Variants in ANXA8 observed in about 807,000 individuals in gnomAD.
ANXA8 encodes the protein annexin A8.
In ANXA8, 9 loss-of-function variants were observed where a neutral mutation model predicts 26.8. That is an observed-to-expected ratio of 0.34 (90% CI 0.20 to 0.59). ANXA8 has a LOEUF of 0.59. ANXA8 is among the 20% of genes least tolerant of loss of function. ANXA8 has a pLI of 0.84. For missense variants in ANXA8, 83 were observed against 238.5 expected (o/e 0.35, Z 4.29); for synonymous variants, 39 against 94.8 (o/e 0.41, Z 3.42).
intron 11 of ANXA8, among the ~76,000 whole-genome samples, chr10:47,469,315 A>G (rs1839234448): frequency 6.6e-6 from 1 of 151,852 alleles, no homozygotes; most frequent in African/African-American, 2.4e-5. Flanking sequence ...ATCAGCACAC[A>G]CCTGGGGGCA....
the ANXA8 span, among the ~76,000 whole-genome samples, chr10:47,548,877 A>G: frequency 6.6e-6 from 1 of 152,336 alleles, no homozygotes; most frequent in East Asian, 1.9e-4. Context: ...TAAACTATAG[A>G]TAATACCTAC....
the ANXA8 span, among the ~76,000 whole-genome samples, chr10:47,540,903 AG>A: frequency 6.8e-6 from 1 of 147,858 alleles, no homozygotes; most frequent in Non-Finnish European, 1.5e-5. Context: ...GAAGATTATC[AG>A]GGGGCTAAAA....
At chr10:47,666,958 C>T in the ANXA8 span, among the ~76,000 whole-genome samples, 6 of 152,152 alleles carry the variant, frequency 3.9e-5, no homozygotes, top group East Asian at 1.2e-3. Flanking sequence ...GTGACTAACT[C>T]AACCTAAACA....
chr10:47,656,886 A>G, the ANXA8 span, among the ~76,000 whole-genome samples: 2 of 148,242 alleles, frequency 1.3e-5, no homozygotes, highest in African/African-American at 5.1e-5. Flanking sequence ...ATCTTTTAGT[A>G]TTTATAGAGA....
At chr10:47,901,871 T>C in the ANXA8 span, among the ~76,000 whole-genome samples, 2 of 151,234 alleles carry the variant, frequency 1.3e-5, no homozygotes, top group Non-Finnish European at 3.0e-5. Flanking sequence ...AATTTGTTGG[T>C]TTTTTCTTAT....
the ANXA8 span, among the ~76,000 whole-genome samples, chr10:47,508,066 T>A: frequency 7.5e-6 from 1 of 133,882 alleles, no homozygotes; most frequent in African/African-American, 2.7e-5. Context: ...AGATAATTTT[T>A]TTTTTGGGGG....
chr10:47,715,970 A>G, the ANXA8 span: 2 of 1,172,290 alleles, frequency 1.7e-6, no homozygotes, highest in Non-Finnish European at 2.4e-6. Flanking sequence ...TGCAGTCTCC[A>G]CCTCTCAGGT....
chr10:47,492,309 C>T, the ANXA8 span, among the ~76,000 whole-genome samples: 5 of 147,740 alleles, frequency 3.4e-5, no homozygotes, highest in East Asian at 1.2e-3. Context: ...AGCGTAGTCA[C>T]CTGGTGTCGC....
chr10:47,957,607 G>A, the ANXA8 span, among the ~76,000 whole-genome samples: 1 of 149,660 alleles, frequency 6.7e-6, no homozygotes, highest in African/African-American at 2.5e-5. Context: ...GTAACAAATT[G>A]CCACAAACTT....
chr10:47,680,134 A>G, the ANXA8 span, among the ~76,000 whole-genome samples: 1 of 151,328 alleles, frequency 6.6e-6, no homozygotes, highest in Non-Finnish European at 1.5e-5. Flanking sequence ...ATGCCACCAC[A>G]CCCAGCTAAT....
chr10:47,670,182 A>G, the ANXA8 span, among the ~76,000 whole-genome samples: 5 of 151,926 alleles, frequency 3.3e-5, no homozygotes, highest in African/African-American at 1.2e-4. Context: ...TATAGCATAG[A>G]TCACTGCTTC....
At chr10:47,646,159 T>C in the ANXA8 span, among the ~76,000 whole-genome samples, 1 of 147,846 alleles carries the variant, frequency 6.8e-6, no homozygotes, top group Non-Finnish European at 1.5e-5. Flanking sequence ...CCTCTATGTC[T>C]ACATCTGTCT....
chr10:47,658,957 C>G, the ANXA8 span, among the ~76,000 whole-genome samples: 1 of 149,290 alleles, frequency 6.7e-6, no homozygotes, highest in African/African-American at 2.6e-5. Flanking sequence ...CTGCAAGCTC[C>G]GCCTCCCAGG....
chr10:47,991,468 TC>T, the ANXA8 span, among the ~76,000 whole-genome samples: 2 of 139,314 alleles, frequency 1.4e-5, no homozygotes. Flanking sequence ...TCAGCCTGTC[TC>T]CCGGCCCAGG....
chr10:47,559,064 A>AT, the ANXA8 span, among the ~76,000 whole-genome samples: 1 of 145,468 alleles, frequency 6.9e-6, no homozygotes, highest in African/African-American at 2.6e-5. Context: ...ATGTCACATC[A>AT]TTTTGTCCTT....
At chr10:47,644,666 G>T in the ANXA8 span, among the ~76,000 whole-genome samples, 1 of 151,630 alleles carries the variant, frequency 6.6e-6, no homozygotes, top group Admixed American at 6.6e-5. Context: ...ATATTTAAGG[G>T]TCTTTCCTAT....
At chr10:47,735,570 C>G in the ANXA8 span, among the ~76,000 whole-genome samples, 1 of 146,382 alleles carries the variant, frequency 6.8e-6, no homozygotes, top group Non-Finnish European at 1.5e-5. Flanking sequence ...TATAGTCTTT[C>G]AATGTTGCCC....
the ANXA8 span, among the ~76,000 whole-genome samples, chr10:47,627,719 T>G: frequency 4.0e-5 from 6 of 150,044 alleles, no homozygotes; most frequent in Admixed American, 2.0e-4. Context: ...CCAGGGAAAT[T>G]TATAATCATT....
chr10:47,958,810 G>A, the ANXA8 span, among the ~76,000 whole-genome samples: 4 of 149,368 alleles, frequency 2.7e-5, no homozygotes, highest in South Asian at 4.2e-4. Flanking sequence ...GAAATGCTGG[G>A]CACTTATAAA....
Sources: gnomAD v4.1 joint callset for allele counts (sites outside exome capture counted in the v4.1 genomes callset) on GRCh38, gnomAD v4.1.1 for gene constraint, MANE v1.5 for transcripts, NCBI Gene and HGNC (gene_info 2026-07-23, HGNC 2026-07-21) for gene names.